Variants in TRRAP observed in about 807,000 individuals in gnomAD.
TRRAP encodes transformation/transcription domain-associated protein.
Under a neutral mutation model 438.8 loss-of-function variants are expected in TRRAP, and 41 were observed. The ratio of observed to expected loss-of-function variants is 0.09; its 90% CI spans 0.07 to 0.12. The LOEUF (loss-of-function observed/expected upper bound fraction) is 0.12. Among genes scored for constraint, TRRAP ranks in the 10% least tolerant of loss-of-function variants. The pLI, the probability that TRRAP is intolerant of heterozygous loss-of-function variation, is 1.00. For missense variants in TRRAP, 3,122 were observed against 5,055.1 expected, an observed-to-expected ratio of 0.62 and a Z score of 11.60; for synonymous variants, 1,994 against 1,962.9, an observed-to-expected ratio of 1.02 and a Z score of -0.42.
In TRRAP at chr7:98,911,112, T is replaced by C. The variant is rs1354834249; in HGVS notation, c.1848T>C (p.Arg616=). The C allele has an allele frequency of 3.0e-5, 48 of 1,614,012 alleles. No homozygotes were observed. The highest frequency in any genetic ancestry group is 4.1e-5 in the Non-Finnish European group (48 of 1,180,000). ...QIAGNGQTYI[R]VANCQTVRMK... ...CAGGAAATGGACAGACATACATCCG[T>C]GTGGCCAACTGCCAGACTGTGAGAA... The change falls in exon 17 of 73, where the codon CGT becomes CGC. Residue 616 remains arginine, a synonymous_variant. Coordinates refer to ENST00000456197, the MANE Select transcript of TRRAP (RefSeq NM_001375524.1).
chr7:98,945,932 T>G lies in TRRAP; in HGVS notation c.4530T>G (p.Pro1510=). ...CPLSPFCQFE[P]AMEGVEEMKI... ...CTGTAATTTTTGTTTTGGTTCAGCC[T>G]GCCATGGAAGGGGTAGAGGTGAGAA... is the stretch of plus-strand genomic sequence containing the variant. The change falls in exon 33 of 73, where the codon CCT becomes CCG. Residue 1510 remains proline, a splice_region_variant and synonymous_variant. Transcript: ENST00000456197. The G allele has an allele frequency of 1.3e-6, 2 of 1,498,758 alleles. No homozygotes were observed. The highest frequency in any genetic ancestry group is 1.8e-6 in the Non-Finnish European group (2 of 1,123,986). The allele number at this position is 1,498,758 out of a possible 1,614,324, so 92.8% of individuals were successfully genotyped here.
intron 40 of TRRAP, 26 bp from the exon 41 acceptor site, chr7:98,955,072 C>T: frequency 1.9e-6 from 3 of 1,598,782 alleles, no homozygotes; most frequent in South Asian, 1.1e-5. Context: ...TTCTCATCCT[C>T]CATAAACGTC....
At position 98,900,629 on chromosome 7, in the gene TRRAP, A is replaced by G. The variant is rs1554406523; in HGVS notation, c.806A>G (p.His269Arg). 3 of 1,610,174 alleles carry G rather than the reference A, an allele frequency of 1.9e-6. No individual in the cohort carries two copies. Among genetic ancestry groups the G allele is most frequent in the Non-Finnish European group, 2.5e-6 (3 of 1,179,206 alleles). The change falls in exon 11 of 73, where the codon CAT becomes CGT. Residue 269 changes from histidine to arginine, a missense_variant. Coordinates refer to ENST00000456197, the MANE Select transcript of TRRAP (RefSeq NM_001375524.1). ...AIQVSAQARQHKLYNKELYAD... is the reference protein window; with the variant it reads ...AIQVSAQARQRKLYNKELYAD... ...TTTGTTCTCTTCTTATTCAGGCAAC[A>G]TAAGCTTTACAACAAGGAGTTGTAT...
At position 98,883,756 on chromosome 7, in the gene TRRAP, CA is replaced by C. The variant is rs565818920; in HGVS notation, c.150+1733del. Among the ~76,000 whole-genome samples, 80 of 152,272 alleles carry C rather than the reference CA, an allele frequency of 5.3e-4. 1 individual carries two copies. The highest frequency in any genetic ancestry group is 1.8e-3 in the African/African-American group (76 of 41,546). ...CTCAAACTCCTGGACTCAAAGGATC[CA>C]CCCACCTCGGCCTCCCAAAGTGCTG... On this transcript the variant is annotated intron_variant, in intron 3 of 72. Coordinates refer to ENST00000456197, the MANE Select transcript of TRRAP (RefSeq NM_001375524.1).
In TRRAP at chr7:98,958,037, T is replaced by C. The variant is rs782640524; in HGVS notation, c.6288T>C (p.Ile2096=). 6.2e-7 allele frequency: 1 copy of C among 1,614,210 alleles called. No individual in the cohort carries two copies. Among genetic ancestry groups the C allele is most frequent in the East Asian group, 2.2e-5 (1 of 44,880 alleles). Residue 2096 remains isoleucine (I), a synonymous_variant, in exon 44 of 73, where the codon ATT becomes ATC. Coordinates refer to ENST00000456197, the MANE Select transcript of TRRAP (RefSeq NM_001375524.1). ...PGADSLLAKP[I]DKQHTDTVVN... Reference sequence around the variant, plus strand: ...CAGACTCTCTCCTCGCCAAGCCCATTGACAAGCAGCACACAGACACTGTGG... The same window carrying C: ...CAGACTCTCTCCTCGCCAAGCCCATCGACAAGCAGCACACAGACACTGTGG...
chr7:98,987,786 T>C (rs955033448), intron 62 of TRRAP, among the ~76,000 whole-genome samples: 1 of 152,256 alleles, frequency 6.6e-6, no homozygotes, highest in Non-Finnish European at 1.5e-5. Context: ...TCTTTCAGCC[T>C]TGAGTATGAT....
intron 6 of TRRAP, among the ~76,000 whole-genome samples, 197 bp from the exon 7 acceptor site, chr7:98,895,567 T>C (rs1796160216): frequency 6.6e-6 from 1 of 152,248 alleles, no homozygotes; most frequent in Non-Finnish European, 1.5e-5. Context: ...AAACTTGTTA[T>C]CTGTTTATCA....
rs764185965 is a variant in TRRAP, at chr7:99,005,272, G to C, written c.10677G>C (p.Val3559=). ...CLTESRREER[V]LQLLRLLNPC... ...CAGAGTCACGGCGAGAGGAGCGTGT[G>C]TTGCAGCTGCTGCGTCTGCTGAACC... The change falls in exon 69 of 73, where the codon GTG becomes GTC. Residue 3559 remains valine (V), a synonymous_variant. Transcript: ENST00000456197. The surrounding 1 kb of genome is among the most constrained non-coding windows in gnomAD (Gnocchi z 5.1). The C allele has an allele frequency of 6.2e-7, 1 of 1,614,192 alleles. No individual in the cohort carries two copies. Among genetic ancestry groups the C allele is most frequent in the Admixed American group, 1.7e-5 (1 of 60,038 alleles).
chr7:98,912,657 A>G (rs2116419508), intron 18 of TRRAP, among the ~76,000 whole-genome samples: 1 of 152,140 alleles, frequency 6.6e-6, no homozygotes, highest in Middle Eastern at 3.4e-3. Context: ...TGGATTACAC[A>G]AATAGGAGCA....
intron 39 of TRRAP, among the ~76,000 whole-genome samples, chr7:98,951,393 G>A (rs2116617941): frequency 6.6e-6 from 1 of 152,318 alleles, no homozygotes; most frequent in South Asian, 2.1e-4. Context: ...GTGAGCATAT[G>A]AGACTGCCTG....
chr7:98,948,154 G>A lies in TRRAP; in HGVS notation c.4549-67G>A. On this transcript the variant is annotated intron_variant, in intron 33 of 72. Coordinates refer to ENST00000456197, the MANE Select transcript of TRRAP (RefSeq NM_001375524.1). This position sits in a 1 kb window ranked among gnomAD's most constrained non-coding sequence, Gnocchi z 4.9. ...TAGTTAGACTATAGTAGGGTCTGTA[G>A]TGACGTTGACCTCTGTCACTTGCAA... The A allele has an allele frequency of 6.2e-7, 1 of 1,604,218 alleles. No homozygotes were observed. Among genetic ancestry groups the A allele is most frequent in the East Asian group, 2.2e-5 (1 of 44,846 alleles).
chr7:98,992,328 TCA>T, intron 65 of TRRAP, 101 bp downstream of exon 65: 1 of 1,262,086 alleles, frequency 7.9e-7, no homozygotes, highest in East Asian at 2.3e-5. Context: ...GCCCTGCAGC[TCA>T]CTCATAGCCG....
intron 69 of TRRAP, among the ~76,000 whole-genome samples, chr7:99,006,841 A>G (rs556270782): frequency 6.6e-6 from 1 of 152,360 alleles, no homozygotes; most frequent in East Asian, 1.9e-4. Flanking sequence ...TTTAATCCAC[A>G]AACAACCCTA....
chr7:98,905,359 C>T (rs947366732), intron 12 of TRRAP, among the ~76,000 whole-genome samples: 1 of 152,186 alleles, frequency 6.6e-6, no homozygotes, highest in African/African-American at 2.4e-5. Context: ...TCAATAGCTA[C>T]GAGCTGGTGG....
At chr7:98,973,570 C>T (rs992986138) in intron 53 of TRRAP, among the ~76,000 whole-genome samples, 2 of 152,218 alleles carry the variant, frequency 1.3e-5, no homozygotes, top group Non-Finnish European at 2.9e-5. Context: ...TGGATGGCGG[C>T]TGGGCTAGAC....
intron 31 of TRRAP, 100 bp from the exon 32 acceptor site, chr7:98,945,647 T>C (rs895473699): frequency 1.5e-6 from 2 of 1,375,708 alleles, no homozygotes; most frequent in African/African-American, 2.9e-5. Flanking sequence ...GTCTTTACTG[T>C]CTTGTTAACC....
intron 67 of TRRAP, among the ~76,000 whole-genome samples, chr7:99,003,082 C>T (rs575081971): frequency 6.6e-5 from 10 of 152,300 alleles, no homozygotes; most frequent in East Asian, 5.8e-4. Context: ...GCCCTGGGGA[C>T]GGTGCCTCCT....
In TRRAP at chr7:98,994,134, G is replaced by A. The variant is rs1423259551; in HGVS notation, c.10047+397G>A. ...GCAGTCAGACCACTTCCTTAATAAC[G>A]TTGGCTTAAGCTGATGACAGAATAG... On this transcript the variant is annotated intron_variant, in intron 66 of 72. Coordinates refer to ENST00000456197, the MANE Select transcript of TRRAP (RefSeq NM_001375524.1). This position sits in a 1 kb window ranked among gnomAD's most constrained non-coding sequence, Gnocchi z 4.8. Among the ~76,000 whole-genome samples, 3 of 152,120 alleles carry A rather than the reference G, an allele frequency of 2.0e-5. No homozygotes were observed. Among genetic ancestry groups the A allele is most frequent in the Admixed American group, 1.3e-4 (2 of 15,268 alleles).
intron 3 of TRRAP, among the ~76,000 whole-genome samples, chr7:98,884,442 C>CCAG (rs1215620064): frequency 6.6e-6 from 1 of 151,930 alleles, no homozygotes; most frequent in Non-Finnish European, 1.5e-5. Context: ...GCCTTGTTGC[C>CCAG]CAGGCTGGTC....
Sources: gnomAD v4.1 joint callset for allele counts (sites outside exome capture counted in the v4.1 genomes callset) on GRCh38, gnomAD v4.1.1 for gene constraint, Gnocchi (gnomAD v3.1) non-coding constraint, MANE v1.5 for transcripts, NCBI Gene and HGNC (gene_info 2026-07-23, HGNC 2026-07-21) for gene names.